Variants in CRIM1 observed in about 807,000 individuals in gnomAD.
CRIM1 encodes the protein cysteine-rich motor neuron 1 protein.
Under a neutral mutation model 116.4 loss-of-function variants are expected in CRIM1, and 32 were observed. The ratio of observed to expected loss-of-function variants is 0.27; its 90% confidence interval spans 0.21 to 0.37. CRIM1 has a LOEUF of 0.37. Ranked by LOEUF, CRIM1 falls within the 10% of genes least tolerant of loss-of-function variation. The pLI is 1.00. For missense variants in CRIM1, 1,331 were observed against 1,354.8 expected (o/e 0.98, Z 0.28); for synonymous variants, 590 against 509.2 (o/e 1.16, Z -2.13).
intron 1 of CRIM1, among the ~76,000 whole-genome samples, chr2:36,358,181 G>A (rs3770968): frequency 0.15 from 22,878 of 152,100 alleles, 2,069 homozygotes; most frequent in East Asian, 0.24. Flanking sequence ...ACCTGGTATT[G>A]TCCCCTTTTA....
intron 7 of CRIM1, among the ~76,000 whole-genome samples, chr2:36,491,867 A>T (rs545366737): frequency 7.2e-4 from 109 of 152,282 alleles, no homozygotes; most frequent in Middle Eastern, 6.8e-3. Context: ...CCAAAATATA[A>T]TTCCTATGAA....
chr2:36,498,697 G>A (rs533008832), intron 7 of CRIM1, among the ~76,000 whole-genome samples: 2 of 152,208 alleles, frequency 1.3e-5, no homozygotes, highest in South Asian at 4.2e-4. Context: ...CCATAAGTGA[G>A]GGAGTGCCAC....
At chr2:36,433,946 T>A (rs968492273) in intron 2 of CRIM1, among the ~76,000 whole-genome samples, 1 of 152,026 alleles carries the variant, frequency 6.6e-6, no homozygotes, top group Non-Finnish European at 1.5e-5. Flanking sequence ...GAAAGTGCAG[T>A]GGGTGTTTCT....
intron 1 of CRIM1, among the ~76,000 whole-genome samples, chr2:36,357,909 C>T (rs943926416): frequency 1.3e-5 from 2 of 152,178 alleles, no homozygotes; most frequent in Non-Finnish European, 2.9e-5. Flanking sequence ...TTAAGGATAA[C>T]AATGGACCTA....
chr2:36,515,900 G>A (rs1183710206), intron 11 of CRIM1, among the ~76,000 whole-genome samples: 1 of 152,160 alleles, frequency 6.6e-6, no homozygotes, highest in Non-Finnish European at 1.5e-5. Context: ...TACTCTTTGG[G>A]ACTTTTTGTT....
chr2:36,506,292 C>A (rs577251464), intron 8 of CRIM1, among the ~76,000 whole-genome samples: 2 of 152,088 alleles, frequency 1.3e-5, no homozygotes, highest in East Asian at 3.9e-4. Flanking sequence ...CCAGAGAAAA[C>A]CCACACAGCA....
chr2:36,428,569 T>A (rs190276570), intron 2 of CRIM1, among the ~76,000 whole-genome samples: 8 of 152,356 alleles, frequency 5.3e-5, no homozygotes. Flanking sequence ...AAGCGTTTTC[T>A]GTACCTCATT....
At chr2:36,402,030 G>A (rs981029955) in intron 2 of CRIM1, among the ~76,000 whole-genome samples, 1 of 152,146 alleles carries the variant, frequency 6.6e-6, no homozygotes, top group African/African-American at 2.4e-5. Context: ...TCCCAGCTCT[G>A]TGCCCACCCA....
intron 1 of CRIM1, among the ~76,000 whole-genome samples, chr2:36,359,668 T>G (rs966167059): frequency 6.6e-6 from 1 of 152,238 alleles, no homozygotes. Flanking sequence ...CCATGTGAGA[T>G]GTGCACTTGG....
chr2:36,396,488 T>G, intron 1 of CRIM1, 126 bp from the exon 2 acceptor site: 1 of 572,678 alleles, frequency 1.7e-6, no homozygotes, highest in Non-Finnish European at 3.0e-6. Flanking sequence ...TCAGCCAGAC[T>G]GCCTTTCACA....
chr2:36,378,783 TG>T (rs1178608513), intron 1 of CRIM1: 2 of 148,686 alleles, frequency 1.3e-5, no homozygotes, highest in Admixed American at 6.7e-5. Flanking sequence ...TTGCAGAAGA[TG>T]GGAGTTTTTT....
intron 6 of CRIM1, among the ~76,000 whole-genome samples, chr2:36,479,158 C>T (rs537042077): frequency 6.6e-5 from 10 of 152,232 alleles, no homozygotes; most frequent in Admixed American, 3.9e-4. Flanking sequence ...AAGACATTGT[C>T]AGAGCCTAAA....
chr2:36,423,093 T>C (rs1449924681), intron 2 of CRIM1, among the ~76,000 whole-genome samples: 1 of 152,230 alleles, frequency 6.6e-6, no homozygotes, highest in Non-Finnish European at 1.5e-5. Context: ...GATCTCTTAA[T>C]TGTCTAGATC....
At chr2:36,437,245 G>A (rs935027249) in intron 2 of CRIM1, among the ~76,000 whole-genome samples, 4 of 152,002 alleles carry the variant, frequency 2.6e-5, no homozygotes, top group African/African-American at 9.7e-5. Context: ...CGAGGTGGTG[G>A]GCGCCTGTAG....
At chr2:36,409,469 C>G (rs796447769) in intron 2 of CRIM1, among the ~76,000 whole-genome samples, 9 of 152,316 alleles carry the variant, frequency 5.9e-5, no homozygotes, top group African/African-American at 2.2e-4. Context: ...CCCTTCCTGA[C>G]TGAGCCCTGC....
rs1675812071 is a variant in CRIM1 at position 36,441,389 on chromosome 2, A to C, written c.637A>C (p.Asn213His). Reference protein sequence around the residue: ...CCPLPSRCVCNPAGCLRKVCQ... With the variant: ...CCPLPSRCVCHPAGCLRKVCQ... Reference sequence around the variant, plus strand: ...TCCCTTACCCAGCCGCTGCGTGTGCAACCCCGCAGGCTGTCTGCGCAAAGT... The same window carrying C: ...TCCCTTACCCAGCCGCTGCGTGTGCCACCCCGCAGGCTGTCTGCGCAAAGT... The change falls in exon 3 of 17, where the codon AAC (asparagine) becomes CAC (histidine). Residue 213 changes from asparagine to histidine, a missense_variant. Physicochemically the swap from Asn to His is moderately conservative, Grantham distance 68. Transcript: ENST00000280527. 6.2e-7 allele frequency: 1 copy of C among 1,614,184 alleles called. No homozygotes were observed. Among genetic ancestry groups the C allele is most frequent in the East Asian group, 2.2e-5 (1 of 44,880 alleles).
At chr2:36,476,364 G>C (rs983888504) in intron 5 of CRIM1, among the ~76,000 whole-genome samples, 2 of 152,132 alleles carry the variant, frequency 1.3e-5, no homozygotes, top group African/African-American at 2.4e-5. Flanking sequence ...TACATATAGA[G>C]AGTATTTTGT....
intron 1 of CRIM1, among the ~76,000 whole-genome samples, chr2:36,389,752 C>T (rs1229612794): frequency 6.6e-6 from 1 of 152,118 alleles, no homozygotes; most frequent in Non-Finnish European, 1.5e-5. Context: ...CCAGTACGTG[C>T]ACTCATACCT....
intron 5 of CRIM1, among the ~76,000 whole-genome samples, chr2:36,470,414 A>G (rs1043255434): frequency 1.3e-5 from 2 of 152,200 alleles, no homozygotes; most frequent in Non-Finnish European, 2.9e-5. Flanking sequence ...CTTTCATAAC[A>G]AGAGAGAAGC....
Sources: gnomAD v4.1 joint callset for allele counts (sites outside exome capture counted in the v4.1 genomes callset) on GRCh38, gnomAD v4.1.1 for gene constraint, MANE v1.5 for transcripts, NCBI Gene and HGNC (gene_info 2026-07-23, HGNC 2026-07-21) for gene names.